The following PCDHGA1 variants were observed in gnomAD, a reference collection of about 807,000 sequenced individuals.
The protein encoded by PCDHGA1 is protocadherin gamma-A1.
PCDHGA1 carries 32 observed loss-of-function variants against 58.0 expected under a neutral mutation model. The observed-to-expected ratio is 0.55, with a 90% CI of 0.42 to 0.74. PCDHGA1 has a LOEUF of 0.74. Among genes scored for constraint, PCDHGA1 ranks in the 30% least tolerant of loss-of-function variants. PCDHGA1 has a pLI of 0.00. For synonymous variants in PCDHGA1, 498 were observed against 501.1 expected (o/e 0.99, Z 0.08); for missense variants, 1,205 against 1,182.3 (o/e 1.02, Z -0.28).
At chr5:141,434,223 A>G (rs1164673241) in intron 1 of PCDHGA1, among the ~76,000 whole-genome samples, 1 of 152,214 alleles carries the variant, frequency 6.6e-6, no homozygotes, top group Non-Finnish European at 1.5e-5. Context: ...TAAACAAAGT[A>G]CGATTTCTGG....
chr5:141,410,054 A>C, intron 1 of PCDHGA1: 1 of 1,613,064 alleles, frequency 6.2e-7, no homozygotes. Context: ...CGGACTCTTC[A>C]GCCTGGGGCT....
chr5:141,437,820 C>T (rs973577605), intron 1 of PCDHGA1, among the ~76,000 whole-genome samples: 4 of 151,904 alleles, frequency 2.6e-5, no homozygotes, highest in Non-Finnish European at 5.9e-5. Flanking sequence ...TCACTGCAAC[C>T]TCTGCCTCCT....
At chr5:141,448,924 G>A (rs1244728418) in intron 1 of PCDHGA1, among the ~76,000 whole-genome samples, 1 of 152,116 alleles carries the variant, frequency 6.6e-6, no homozygotes, top group East Asian at 1.9e-4. Flanking sequence ...CAGCCTGGGC[G>A]ACAGAGCAAG....
In PCDHGA1 at chr5:141,490,309, A is replaced by G. The variant is rs1485303337; in HGVS notation, c.2422-4498A>G. On this transcript the variant is annotated intron_variant, in intron 1 of 3. Transcript: ENST00000517417. The surrounding 1 kb of genome is among the most constrained non-coding windows in gnomAD (Gnocchi z 5.4). ...AGAGGTGCTATTGGCCTCTTTGGCCAACCCTGTCCTAGAGAGCACACCAGT... is the reference window on the plus strand; with the variant it reads ...AGAGGTGCTATTGGCCTCTTTGGCCGACCCTGTCCTAGAGAGCACACCAGT... The G allele has an allele frequency of 2.8e-5, 46 of 1,614,126 alleles. No homozygotes were observed. Among genetic ancestry groups the G allele is most frequent in the Non-Finnish European group, 3.8e-5 (45 of 1,180,056 alleles).
At chr5:141,473,939 C>T (rs1301939679) in intron 1 of PCDHGA1, among the ~76,000 whole-genome samples, 2 of 152,068 alleles carry the variant, frequency 1.3e-5, no homozygotes, top group African/African-American at 2.4e-5. Context: ...TGCAGTAGCT[C>T]AGGCCTGTAG....
chr5:141,375,745 C>G (rs753247365), intron 1 of PCDHGA1: 4 of 1,614,238 alleles, frequency 2.5e-6, no homozygotes, highest in Non-Finnish European at 3.4e-6. Context: ...TTGTGCTGGA[C>G]CAGAATGACA....
rs950537869 is a variant in PCDHGA1, at chr5:141,432,150, A to G, written c.2422-62657A>G. 6.2e-7 allele frequency: 1 copy of G among 1,614,010 alleles called. No homozygotes were observed. On this transcript the variant is annotated intron_variant, in intron 1 of 3. Coordinates refer to ENST00000517417, the MANE Select transcript of PCDHGA1 (RefSeq NM_018912.3). The surrounding 1 kb of genome is among the most constrained non-coding windows in gnomAD (Gnocchi z 6.0). ...TCCTATTCCGCTTATATCCCAGAGA[A>G]CAATCCCAGAGGAGTTTCCCTCGTC...
intron 1 of PCDHGA1, chr5:141,340,407 C>G (rs201743768): frequency 6.2e-7 from 1 of 1,614,176 alleles, no homozygotes; most frequent in African/African-American, 1.3e-5. Context: ...GCCCATGACC[C>G]CGACAGCAAC....
intron 1 of PCDHGA1, chr5:141,364,990 G>A (rs1363998069): frequency 1.9e-6 from 3 of 1,613,862 alleles, no homozygotes; most frequent in Admixed American, 1.7e-5. Flanking sequence ...GCGGAGACCC[G>A]GTACTCTCCG....
chr5:141,422,655 C>T (rs188587553), intron 1 of PCDHGA1: 2 of 1,610,120 alleles, frequency 1.2e-6, no homozygotes, highest in Admixed American at 3.3e-5. Flanking sequence ...TCTCAGTGAC[C>T]GCCCTCGACC....
intron 1 of PCDHGA1, 24 bp downstream of exon 1, chr5:141,333,129 C>T: frequency 6.2e-7 from 1 of 1,614,000 alleles, no homozygotes; most frequent in East Asian, 2.2e-5. Context: ...ATGAATGTAT[C>T]AGCTATCTAG....
At chr5:141,478,332 G>A (rs773442842) in intron 1 of PCDHGA1, 1 of 1,613,924 alleles carries the variant, frequency 6.2e-7, no homozygotes, top group Non-Finnish European at 8.5e-7. Context: ...CGAACACCAG[G>A]GCCCTCCTTG....
At chr5:141,415,304 C>T (rs1468756434) in intron 1 of PCDHGA1, 2 of 1,614,188 alleles carry the variant, frequency 1.2e-6, no homozygotes, top group Non-Finnish European at 8.5e-7. Context: ...GTCTTCCTGG[C>T]CTTCGTCATC....
chr5:141,337,399 A>G (rs928966419), intron 1 of PCDHGA1, among the ~76,000 whole-genome samples: 1 of 152,220 alleles, frequency 6.6e-6, no homozygotes, highest in African/African-American at 2.4e-5. Flanking sequence ...GAATGGGTAA[A>G]TAAAAAGTGG....
intron 2 of PCDHGA1, among the ~76,000 whole-genome samples, chr5:141,502,250 T>A (rs915754322): frequency 2.6e-5 from 4 of 152,242 alleles, no homozygotes; most frequent in East Asian, 3.8e-4. Context: ...TCCTTTTTTT[T>A]AATCCAGGAT....
rs185995562 is a variant in PCDHGA1 at position 141,410,475 on chromosome 5, A to T, written c.2421+77370A>T. 63 of 1,614,052 alleles carry T rather than the reference A, an allele frequency of 3.9e-5. No individual in the cohort carries two copies. The highest frequency in any genetic ancestry group is 3.3e-4 in the Middle Eastern group (2 of 6,062). ...TATTCTTATAATCTGTGCATTGCAC[A>T]TACGGGTACAAAAGAGTTTAATTTC... On this transcript the variant is annotated intron_variant, in intron 1 of 3. Transcript: ENST00000517417.
intron 2 of PCDHGA1, among the ~76,000 whole-genome samples, chr5:141,502,705 T>C (rs1475675789): frequency 6.6e-6 from 1 of 152,248 alleles, no homozygotes; most frequent in African/African-American, 2.4e-5. Context: ...TATCTGTTTT[T>C]ACATCAGTGA....
chr5:141,409,990 C>T (rs377295503), intron 1 of PCDHGA1: 1 of 1,613,160 alleles, frequency 6.2e-7, no homozygotes, highest in Non-Finnish European at 8.5e-7. Flanking sequence ...CGGTGGACGC[C>T]GACTCGGGAC....
intron 1 of PCDHGA1, chr5:141,478,008 C>T: frequency 6.2e-7 from 1 of 1,614,124 alleles, no homozygotes; most frequent in Non-Finnish European, 8.5e-7. Flanking sequence ...ATCAGTACTG[C>T]CCGTCCAGTC....
Sources: allele counts gnomAD v4.1 joint callset (sites outside exome capture counted in the v4.1 genomes callset), GRCh38; gene constraint gnomAD v4.1.1; non-coding constraint Gnocchi (gnomAD v3.1); transcripts MANE v1.5; gene names NCBI Gene and HGNC (gene_info 2026-07-23, HGNC 2026-07-21).